Variants in ARHGEF18 observed in about 807,000 individuals in gnomAD.
ARHGEF18 encodes the protein rho guanine nucleotide exchange factor 18.
In ARHGEF18, 93 loss-of-function variants were observed where a neutral mutation model predicts 155.7. The observed-to-expected ratio is 0.60, with a 90% CI of 0.50 to 0.71. ARHGEF18 has a LOEUF of 0.71. Ranked by LOEUF, ARHGEF18 falls within the 30% of genes least tolerant of loss-of-function variation. The pLI, the probability that ARHGEF18 is intolerant of heterozygous loss-of-function variation, is 0.00. For synonymous variants in ARHGEF18, 742 were observed against 753.1 expected (o/e 0.99, Z 0.24); for missense variants, 1,593 against 1,816.1 (o/e 0.88, Z 2.23).
chr19:7,395,255 C>G lies in ARHGEF18; in HGVS notation c.967+12052C>G. On this transcript the variant is annotated intron_variant, in intron 10 of 28. Coordinates refer to ENST00000668164, the MANE Select transcript of ARHGEF18 (RefSeq NM_001367823.1). This position sits in a 1 kb window ranked among gnomAD's most constrained non-coding sequence, Gnocchi z 5.0. ...GCGGGCGATCGGGCCGAGGTGAGGA[C>G]GGCGGCGGGGCGGTCCCGAGGAAAA... The G allele has an allele frequency of 1.7e-5, 17 of 986,406 alleles. No individual in the cohort carries two copies. Among genetic ancestry groups the G allele is most frequent in the Non-Finnish European group, 1.9e-5 (16 of 830,772 alleles). 61.1% of individuals were successfully genotyped at this position (986,406 alleles called of 1,614,324 possible).
intron 10 of ARHGEF18, among the ~76,000 whole-genome samples, chr19:7,411,032 T>C (rs1296408082): frequency 6.6e-6 from 1 of 151,896 alleles, no homozygotes; most frequent in Admixed American, 6.6e-5. Flanking sequence ...ATCTGCAATA[T>C]CTATAGGTGA....
At chr19:7,363,203 G>T (rs1442733704) in intron 2 of ARHGEF18, among the ~76,000 whole-genome samples, 1 of 151,978 alleles carries the variant, frequency 6.6e-6, no homozygotes, top group Non-Finnish European at 1.5e-5. Flanking sequence ...GGAAATCAAG[G>T]AAAGATGAGT....
At chr19:7,408,860 A>G (rs777500927) in intron 10 of ARHGEF18, among the ~76,000 whole-genome samples, 5 of 151,956 alleles carry the variant, frequency 3.3e-5, no homozygotes, top group Non-Finnish European at 5.9e-5. Flanking sequence ...TGGGCAACAT[A>G]GTGAGACCCC....
In ARHGEF18 at chr19:7,444,250, G is replaced by A; in HGVS notation, c.1407G>A (p.Met469Ile). The part of the protein sequence containing the change: ...EVHHVRTLKI[M>I]LKVYSRALQE... ...ACCACGTGCGGACGCTCAAGATCAT[G>A]CTGAAGGTGTACTCCAGGGCCCTGC... is the stretch of plus-strand genomic sequence containing the variant. The change falls in exon 14 of 29, where the codon ATG becomes ATA. Residue 469 changes from methionine (M) to isoleucine (I), a missense_variant. Coordinates refer to ENST00000668164, the MANE Select transcript of ARHGEF18 (RefSeq NM_001367823.1). The surrounding 1 kb of genome is among the most constrained non-coding windows in gnomAD (Gnocchi z 4.7). The A allele has an allele frequency of 1.2e-6, 2 of 1,613,654 alleles. No homozygotes were observed. The highest frequency in any genetic ancestry group is 1.7e-6 in the Non-Finnish European group (2 of 1,180,030).
In ARHGEF18 at chr19:7,470,191, G is replaced by T. The variant is rs1976938907; in HGVS notation, c.3979G>T (p.Ala1327Ser). 1 of 1,611,906 alleles carries T rather than the reference G, an allele frequency of 6.2e-7. No homozygotes were observed. Among genetic ancestry groups the T allele is most frequent in the Non-Finnish European group, 8.5e-7 (1 of 1,179,604 alleles). Reference protein sequence around the residue: ...DSPSEGFSLKAGGTALLPGPP... With the variant: ...DSPSEGFSLKSGGTALLPGPP... ...CCCCTCCGAGGGCTTCTCTCTCAAG[G>T]CCGGGGGCACAGCCCTCCTGCCCGG... The change falls in exon 29 of 29, where the codon GCC becomes TCC. Residue 1327 changes from alanine to serine, a missense_variant. Coordinates refer to ENST00000668164, the MANE Select transcript of ARHGEF18 (RefSeq NM_001367823.1). The surrounding 1 kb of genome is among the most constrained non-coding windows in gnomAD (Gnocchi z 5.9).
chr19:7,379,715 A>G (rs1274830158), intron 7 of ARHGEF18, among the ~76,000 whole-genome samples: 1 of 152,152 alleles, frequency 6.6e-6, no homozygotes, highest in African/African-American at 2.4e-5. Context: ...TGCCTAAGAC[A>G]CTGCCATCTG....
At chr19:7,375,116 A>G (rs529884046) in intron 3 of ARHGEF18, among the ~76,000 whole-genome samples, 89 of 152,202 alleles carry the variant, frequency 5.8e-4, no homozygotes, top group African/African-American at 1.7e-3. Context: ...TACTAAAAAT[A>G]CAAAAATTAG....
At position 7,377,785 on chromosome 19, in the gene ARHGEF18, C is replaced by CAAAA. The variant is rs60336111; in HGVS notation, c.542-595_542-592dup. Among the ~76,000 whole-genome samples, 4 of 103,776 alleles carry CAAAA rather than the reference C, an allele frequency of 3.9e-5. 1 individual carries two copies. In the East Asian group the frequency reaches 9.0e-4, roughly 23 times the overall value. The allele number at this position is 103,776 out of a possible 152,430, so 68.1% of individuals were successfully genotyped here. On this transcript the variant is annotated intron_variant, in intron 5 of 28. Coordinates refer to ENST00000668164, the MANE Select transcript of ARHGEF18 (RefSeq NM_001367823.1). ...TCTGGGTGACAGAGTGAAACCGTCT[C>CAAAA]AAAAAAAAAAAAAAAAAGGCCTGGT...
At position 7,380,927 on chromosome 19, in the gene ARHGEF18, A is replaced by G. The variant is rs1970704647; in HGVS notation, c.655A>G (p.Arg219Gly). The change falls in exon 8 of 29, where the codon AGG (arginine) becomes GGG (glycine). Residue 219 changes from arginine to glycine, a missense_variant. Transcript: ENST00000668164. ...CCTCTGATCCTGCAGGGCCCGGCAG[A>G]GGGCTTGCATGTCAGCCAGCCCCGG... is the stretch of plus-strand genomic sequence containing the variant. ...ELRQYHGARQ[R>G]ACMSASPGGA... 2 of 1,232,042 alleles carry G rather than the reference A, an allele frequency of 1.6e-6. No individual in the cohort carries two copies. The highest frequency in any genetic ancestry group is 8.4e-5 in the Admixed American group (2 of 23,678). 76.3% of individuals were successfully genotyped at this position (1,232,042 alleles called of 1,614,324 possible).
intron 10 of ARHGEF18, among the ~76,000 whole-genome samples, chr19:7,418,608 G>A (rs1040495893): frequency 3.3e-5 from 5 of 151,928 alleles, no homozygotes; most frequent in African/African-American, 9.7e-5. Context: ...CAGGCACTAC[G>A]ATTATCCCCA....
At chr19:7,396,677 T>C (rs1971728347) in intron 10 of ARHGEF18, among the ~76,000 whole-genome samples, 1 of 150,404 alleles carries the variant, frequency 6.6e-6, no homozygotes, top group Non-Finnish European at 1.5e-5. Context: ...ATCGGGCCAC[T>C]GCACTCCAGC....
chr19:7,405,562 CT>C (rs1334795574), intron 10 of ARHGEF18, among the ~76,000 whole-genome samples: 1 of 152,216 alleles, frequency 6.6e-6, no homozygotes, highest in Non-Finnish European at 1.5e-5. Flanking sequence ...GTTCAGCCCA[CT>C]TCAGGAACCT....
intron 10 of ARHGEF18, among the ~76,000 whole-genome samples, chr19:7,408,997 C>T (rs1972499809): frequency 6.6e-6 from 1 of 151,228 alleles, no homozygotes; most frequent in African/African-American, 2.4e-5. Flanking sequence ...GAGTTCGAGA[C>T]TGCAGTGAGC....
At chr19:7,427,472 G>A (rs12460296) in intron 10 of ARHGEF18, among the ~76,000 whole-genome samples, 1 of 151,330 alleles carries the variant, frequency 6.6e-6, no homozygotes, top group Non-Finnish European at 1.5e-5. Flanking sequence ...TAGCAAGACC[G>A]TGTCTCTACA....
At chr19:7,382,941 T>G (rs1410979518) in intron 9 of ARHGEF18, 47 bp downstream of exon 9, 1 of 1,232,288 alleles carries the variant, frequency 8.1e-7, no homozygotes. Context: ...TTCCCCAGCT[T>G]GGCTTGCTGC....
chr19:7,398,563 C>T (rs375412772), intron 10 of ARHGEF18, among the ~76,000 whole-genome samples: 3 of 151,688 alleles, frequency 2.0e-5, no homozygotes, highest in Non-Finnish European at 2.9e-5. Context: ...TGGTGGCCTG[C>T]GCCTGTAATC....
At chr19:7,475,783 A>G (rs56334212), downstream of ARHGEF18, among the ~76,000 whole-genome samples, 56,858 of 151,972 alleles carry the variant, frequency 0.37, 11,434 homozygotes, top group African/African-American at 0.53. Flanking sequence ...GGTATGAGCT[A>G]GTAAGTAGTT....
chr19:7,402,132 G>A (rs1410832585), intron 10 of ARHGEF18, among the ~76,000 whole-genome samples: 1 of 151,982 alleles, frequency 6.6e-6, no homozygotes, highest in Non-Finnish European at 1.5e-5. Context: ...TTCTAAAATT[G>A]ACTGTAGGCT....
At position 7,469,125 on chromosome 19, in the gene ARHGEF18, A is replaced by G. The variant is rs989059948; in HGVS notation, c.3781A>G (p.Ser1261Gly). The G allele has an allele frequency of 1.3e-6, 2 of 1,593,314 alleles. No homozygotes were observed. Among genetic ancestry groups the G allele is most frequent in the Non-Finnish European group, 1.7e-6 (2 of 1,170,330 alleles). Residue 1261 changes from serine to glycine, a missense_variant, in exon 27 of 29, where the codon AGC (serine) becomes GGC (glycine). By Grantham distance (56) the Ser-to-Gly change is moderately conservative. Coordinates refer to ENST00000668164, the MANE Select transcript of ARHGEF18 (RefSeq NM_001367823.1). ...GAGCAGGGGCTCTCAGCGCTGGGAG[A>G]GCTCAGGTGAGCCGGCCCCACCCCT... ...GKSRGSQRWE[S>G]SASFDLKQQL... is the part of the protein sequence containing the mutation.
Sources: allele counts gnomAD v4.1 joint callset (sites outside exome capture counted in the v4.1 genomes callset), GRCh38; gene constraint gnomAD v4.1.1; non-coding constraint Gnocchi (gnomAD v3.1); transcripts MANE v1.5; gene names NCBI Gene and HGNC (gene_info 2026-07-23, HGNC 2026-07-21).